NBN: variants seen among roughly 807,000 people sequenced by gnomAD.
The protein encoded by NBN is nibrin, also known as Nijmegen breakage syndrome 1 (nibrin).
A neutral mutation model predicts 90.8 loss-of-function variants in NBN; 88 were observed. The ratio of observed to expected loss-of-function variants is 0.97; its 90% confidence interval spans 0.82 to 1.16. The LOEUF is 1.16. Among genes scored for constraint, NBN ranks in the 50% most tolerant of loss-of-function variants. The pLI is 0.00. For synonymous variants in NBN, 328 were observed against 295.1 expected (o/e 1.11, Z -1.14); for missense variants, 894 against 869.6 (o/e 1.03, Z -0.35).
chr8:89,954,472 T>C (rs1311969829), intron 10 of NBN, among the ~76,000 whole-genome samples: 4 of 150,818 alleles, frequency 2.7e-5, no homozygotes, highest in African/African-American at 4.9e-5. Context: ...TAACAATCAA[T>C]AACACTGATT....
intron 5 of NBN, among the ~76,000 whole-genome samples, chr8:89,972,651 T>C (rs1811569886): frequency 2.0e-5 from 3 of 152,242 alleles, no homozygotes; most frequent in Admixed American, 2.0e-4. Flanking sequence ...TCCTAATAAA[T>C]ATTCCCCCAT....
At chr8:89,952,188 T>C (rs959012739) in intron 11 of NBN, among the ~76,000 whole-genome samples, 3 of 152,228 alleles carry the variant, frequency 2.0e-5, no homozygotes, top group African/African-American at 7.2e-5. Context: ...AAAAAGATCC[T>C]ATTTTACGGA....
chr8:89,970,676 A>T, intron 6 of NBN, 119 bp from the exon 7 acceptor site: 1 of 956,964 alleles, frequency 1.0e-6, no homozygotes, highest in Non-Finnish European at 1.6e-6. Flanking sequence ...CTTCTTGAGT[A>T]GGTCATTTCA....
chr8:89,957,476 T>C lies in NBN; in HGVS notation c.1124+1249A>G, dbSNP rs1272710791. ...TTACAGTAAGCTAAGGTTAATTTAT[T>C]ATTGAAGATTTTTTTGCATATAAAT... On this transcript the variant is annotated intron_variant, in intron 9 of 15. Coordinates refer to ENST00000265433, the MANE Select transcript of NBN (RefSeq NM_002485.5). Among the ~76,000 whole-genome samples, 5 of 152,218 alleles carry C rather than the reference T, an allele frequency of 3.3e-5. No homozygotes were observed. The East Asian group carries it at 9.6e-4, about 29-fold the overall frequency.
At chr8:89,949,499 T>C (rs545110537) in intron 11 of NBN, among the ~76,000 whole-genome samples, 22 of 152,290 alleles carry the variant, frequency 1.4e-4, no homozygotes, top group African/African-American at 5.1e-4. Context: ...AGAAGAATGT[T>C]AAGGATCTTG....
At chr8:89,955,750 C>T (rs1810684707) in intron 9 of NBN, among the ~76,000 whole-genome samples, 195 bp from the exon 10 acceptor site, 1 of 152,092 alleles carries the variant, frequency 6.6e-6, no homozygotes, top group South Asian at 2.1e-4. Flanking sequence ...AAGGATGATA[C>T]CTTACTCTTC....
intron 10 of NBN, among the ~76,000 whole-genome samples, chr8:89,954,341 A>G (rs572482489): frequency 6.6e-6 from 1 of 152,276 alleles, no homozygotes; most frequent in African/African-American, 2.4e-5. Flanking sequence ...TTCTATTAAC[A>G]CTAATTTAAT....
chr8:89,981,667 G>A, intron 2 of NBN, 144 bp from the exon 3 acceptor site: 1 of 806,994 alleles, frequency 1.2e-6, no homozygotes, highest in South Asian at 1.7e-5. Flanking sequence ...GTTGCCTTGA[G>A]AGGAAGATCA....
Position 89,984,523 on chromosome 8 carries a change from A to T in NBN, c.37+2T>A. The T allele has an allele frequency of 6.2e-7, 1 of 1,612,546 alleles. No individual in the cohort carries two copies. Among genetic ancestry groups the T allele is most frequent in the Non-Finnish European group, 8.5e-7 (1 of 1,179,348 alleles). ...GCCCCGAGGCTTCCCTTCTGCCCTTACCTCCTGCCGGGCCCGCGGCGGGCA... is the reference window on the plus strand; with the variant it reads ...GCCCCGAGGCTTCCCTTCTGCCCTTTCCTCCTGCCGGGCCCGCGGCGGGCA... On this transcript the variant is annotated splice_donor_variant, in intron 1 of 15. Transcript: ENST00000265433. LOFTEE classifies it high-confidence loss of function.
At chr8:89,969,691 C>T (rs1027936755) in intron 7 of NBN, among the ~76,000 whole-genome samples, 3 of 152,178 alleles carry the variant, frequency 2.0e-5, no homozygotes, top group Non-Finnish European at 2.9e-5. Flanking sequence ...GTAGCTCACG[C>T]CTGTAATCCC....
intron 1 of NBN, among the ~76,000 whole-genome samples, chr8:89,983,647 T>G (rs1398709441): frequency 6.6e-6 from 1 of 152,202 alleles, no homozygotes; most frequent in Non-Finnish European, 1.5e-5. Flanking sequence ...GAAAGGGTTA[T>G]CAGTTTCTTT....
At chr8:89,974,480 G>T (rs1207944341) in intron 5 of NBN, among the ~76,000 whole-genome samples, 1 of 152,086 alleles carries the variant, frequency 6.6e-6, no homozygotes, top group Non-Finnish European at 1.5e-5. Context: ...TCTGAGATTT[G>T]ATTATCAGCT....
intron 6 of NBN, 167 bp from the exon 7 acceptor site, chr8:89,970,724 C>T (rs1811476775): frequency 5.2e-6 from 1 of 191,966 alleles, no homozygotes; most frequent in African/African-American, 2.4e-5. Flanking sequence ...CAACAGGTCT[C>T]TGCGGCCCTG....
At chr8:89,983,149 C>T (rs1812157932) in intron 1 of NBN, among the ~76,000 whole-genome samples, 4 of 152,120 alleles carry the variant, frequency 2.6e-5, no homozygotes, top group African/African-American at 4.8e-5. Context: ...AGATAGAAGG[C>T]TACATCATTT....
chr8:89,933,729 A>G lies in NBN; in HGVS notation c.*1853T>C, dbSNP rs544588009. On this transcript the variant is annotated 3_prime_UTR_variant, in exon 16 of 16. Coordinates refer to ENST00000265433, the MANE Select transcript of NBN (RefSeq NM_002485.5). ...GGAGAGAAAAAATATCAAACAAAAG[A>G]AAAAAATAAATTTGACCTTGTCAAA... 1.3e-5 allele frequency: 3 copies of G among 232,442 alleles called. No individual in the cohort carries two copies. The South Asian group carries it at 5.4e-4, about 42-fold the overall frequency. 14.4% of individuals were successfully genotyped at this position (232,442 alleles called of 1,614,324 possible).
chr8:89,933,553 C>CAGTG lies in NBN; in HGVS notation c.*2025_*2028dup, dbSNP rs1468274050. ...AGGAAAGGATAATTCTTTCAATAAA[C>CAGTG]AGTGTTACAATGACTGGATACTTGT... On this transcript the variant is annotated 3_prime_UTR_variant, in exon 16 of 16. Transcript: ENST00000265433. 1 of 231,384 alleles carries CAGTG rather than the reference C, an allele frequency of 4.3e-6. No homozygotes were observed. Among genetic ancestry groups the CAGTG allele is most frequent in the African/African-American group, 2.2e-5 (1 of 45,214 alleles). The allele number at this position is 231,384 out of a possible 1,614,324, so 14.3% of individuals were successfully genotyped here.
intron 14 of NBN, 54 bp downstream of exon 14, chr8:89,943,199 A>G (rs553208721): frequency 2.4e-5 from 38 of 1,600,504 alleles, no homozygotes; most frequent in Non-Finnish European, 3.2e-5. Context: ...GAAGGCCACC[A>G]TAATGGACCA....
intron 14 of NBN, among the ~76,000 whole-genome samples, chr8:89,941,425 ATAAT>A (rs1247945168): frequency 6.6e-6 from 1 of 152,214 alleles, no homozygotes; most frequent in Admixed American, 6.5e-5. Flanking sequence ...GAGCCAACAA[ATAAT>A]TGTATGTGAA....
At chr8:89,964,266 A>G in intron 8 of NBN, 144 bp downstream of exon 8, 1 of 885,246 alleles carries the variant, frequency 1.1e-6, no homozygotes, top group Non-Finnish European at 1.8e-6. Flanking sequence ...TATTTATGGA[A>G]TGAATAAATG....
Sources: gnomAD v4.1 joint callset for allele counts (sites outside exome capture counted in the v4.1 genomes callset) on GRCh38, gnomAD v4.1.1 for gene constraint, MANE v1.5 for transcripts, NCBI Gene and HGNC (gene_info 2026-07-23, HGNC 2026-07-21) for gene names.